The following ATF7 variants were observed in gnomAD, a reference collection of about 807,000 sequenced individuals.
ATF7 encodes the protein activating transcription factor 7, also known as cyclic AMP-dependent transcription factor ATF-7.
A neutral mutation model predicts 50.4 loss-of-function variants in ATF7; 10 were observed. The ratio of observed to expected loss-of-function variants is 0.20; its 90% CI spans 0.12 to 0.34. The LOEUF (loss-of-function observed/expected upper bound fraction) is 0.34. Ranked by LOEUF, ATF7 falls within the 10% of genes least tolerant of loss-of-function variation. The probability of loss-of-function intolerance (pLI) is 1.00; values close to 1 mark genes in which losing one functional copy is unlikely to be tolerated. For missense variants in ATF7, 465 were observed against 613.9 expected (o/e 0.76, Z 2.56); for synonymous variants, 201 against 226.4 (o/e 0.89, Z 1.01).
At chr12:53,566,933 T>C (rs548895783) in intron 2 of ATF7, among the ~76,000 whole-genome samples, 11 of 152,312 alleles carry the variant, frequency 7.2e-5, no homozygotes, top group African/African-American at 2.2e-4. Context: ...TTTGTATTTT[T>C]AGTACAGATG....
chr12:53,611,449 C>T (rs1037134072), intron 1 of ATF7, among the ~76,000 whole-genome samples: 3 of 142,846 alleles, frequency 2.1e-5, no homozygotes, highest in African/African-American at 7.5e-5. Flanking sequence ...GAGACTCTAT[C>T]GCAAAACAAA....
At chr12:53,539,792 G>C (rs2137419254) in intron 4 of ATF7, among the ~76,000 whole-genome samples, 1 of 152,126 alleles carries the variant, frequency 6.6e-6, no homozygotes, top group Admixed American at 6.6e-5. Context: ...TACAAGACCA[G>C]GTGTGGTGGC....
At chr12:53,548,863 T>C (rs774937901) in intron 3 of ATF7, among the ~76,000 whole-genome samples, 1 of 152,130 alleles carries the variant, frequency 6.6e-6, no homozygotes, top group Non-Finnish European at 1.5e-5. Context: ...TGCACATCTG[T>C]AGTCCCAGCT....
intron 1 of ATF7, among the ~76,000 whole-genome samples, chr12:53,606,179 G>A (rs1943597030): frequency 6.6e-6 from 1 of 151,768 alleles, no homozygotes; most frequent in Non-Finnish European, 1.5e-5. Context: ...AACCTCACCT[G>A]AGCTATTAAG....
intron 3 of ATF7, among the ~76,000 whole-genome samples, chr12:53,548,877 G>A (rs892957602): frequency 1.3e-5 from 2 of 151,970 alleles, no homozygotes; most frequent in Non-Finnish European, 2.9e-5. Flanking sequence ...CCCAGCTACT[G>A]GGGAGGGTGA....
chr12:53,587,203 C>T (rs377091124), intron 2 of ATF7, among the ~76,000 whole-genome samples: 30 of 151,566 alleles, frequency 2.0e-4, no homozygotes, highest in African/African-American at 7.3e-4. Flanking sequence ...CCCATCTCTA[C>T]TGAAAATACA....
chr12:53,617,659 A>G (rs1394954947), intron 1 of ATF7, among the ~76,000 whole-genome samples: 1 of 152,122 alleles, frequency 6.6e-6, no homozygotes, highest in African/African-American at 2.4e-5. Context: ...ATAATAAAAA[A>G]AAGACTACTA....
intron 2 of ATF7, among the ~76,000 whole-genome samples, chr12:53,556,175 C>T (rs772237882): frequency 2.0e-5 from 3 of 152,192 alleles, no homozygotes; most frequent in Non-Finnish European, 2.9e-5. Context: ...TGTAAGTTTT[C>T]AAAATGTACT....
intron 2 of ATF7, chr12:53,574,842 A>G (rs1941967097): frequency 3.0e-6 from 1 of 328,480 alleles, no homozygotes. Context: ...AGAAATAGAC[A>G]TATATTAAAA....
chr12:53,523,701 C>A (rs181089004), intron 10 of ATF7, among the ~76,000 whole-genome samples: 1 of 152,310 alleles, frequency 6.6e-6, no homozygotes, highest in Non-Finnish European at 1.5e-5. Flanking sequence ...ATCTACATAA[C>A]AGAACTGTTT....
At chr12:53,591,088 T>A (rs373772643) in intron 2 of ATF7, among the ~76,000 whole-genome samples, 3 of 152,118 alleles carry the variant, frequency 2.0e-5, no homozygotes, top group East Asian at 3.8e-4. Context: ...TGATGCAAGA[T>A]GTTAACAATA....
At chr12:53,600,573 C>A (rs1035561368) in intron 2 of ATF7, among the ~76,000 whole-genome samples, 1 of 152,218 alleles carries the variant, frequency 6.6e-6, no homozygotes, top group Non-Finnish European at 1.5e-5. Flanking sequence ...CTCAGGTGAT[C>A]TGCCCATCTC....
At chr12:53,548,037 A>AT (rs34468866) in intron 3 of ATF7, among the ~76,000 whole-genome samples, 86 of 151,374 alleles carry the variant, frequency 5.7e-4, no homozygotes, top group African/African-American at 2.0e-3. Context: ...ATGCCTAGCT[A>AT]TTTTTTTTGG....
At chr12:53,544,962 T>C (rs1198420489) in intron 3 of ATF7, among the ~76,000 whole-genome samples, 1 of 152,198 alleles carries the variant, frequency 6.6e-6, no homozygotes, top group Non-Finnish European at 1.5e-5. Context: ...ATAAAGCCAC[T>C]TTCCCTCCAT....
intron 2 of ATF7, among the ~76,000 whole-genome samples, chr12:53,570,571 T>A (rs1489786543): frequency 6.6e-6 from 1 of 152,104 alleles, no homozygotes; most frequent in Non-Finnish European, 1.5e-5. Context: ...CTTTATTATC[T>A]CTCAGTTCTG....
At chr12:53,617,185 G>A (rs1944169894) in intron 1 of ATF7, among the ~76,000 whole-genome samples, 1 of 151,924 alleles carries the variant, frequency 6.6e-6, no homozygotes, top group South Asian at 2.1e-4. Context: ...ACCACACTCA[G>A]CTAATTTTTG....
chr12:53,613,479 T>TA (rs1259929620), intron 1 of ATF7, among the ~76,000 whole-genome samples: 1 of 152,142 alleles, frequency 6.6e-6, no homozygotes, highest in Non-Finnish European at 1.5e-5. Flanking sequence ...TCAACAGATA[T>TA]AACCCAGATA....
At chr12:53,563,007 GCTATTCTT>G (rs1372564667) in intron 2 of ATF7, among the ~76,000 whole-genome samples, 1 of 152,058 alleles carries the variant, frequency 6.6e-6, no homozygotes, top group Non-Finnish European at 1.5e-5. Flanking sequence ...TTTATTTTCT[GCTATTCTT>G]CTACTAACAC....
At chr12:53,609,998 G>C (rs754483284) in intron 1 of ATF7, among the ~76,000 whole-genome samples, 1 of 151,592 alleles carries the variant, frequency 6.6e-6, no homozygotes, top group Admixed American at 6.6e-5. Flanking sequence ...TGTATTTTTA[G>C]TAGAGACGGG....
Sources: allele counts gnomAD v4.1 joint callset (sites outside exome capture counted in the v4.1 genomes callset), GRCh38; gene constraint gnomAD v4.1.1; transcripts MANE v1.5; gene names NCBI Gene and HGNC (gene_info 2026-07-23, HGNC 2026-07-21).